The following NKX6-3 variants were observed in gnomAD, a reference collection of about 807,000 sequenced individuals.
NKX6-3 encodes homeobox protein Nkx-6.3.
In NKX6-3, 17 loss-of-function variants were observed where a neutral mutation model predicts 22.0. The observed-to-expected ratio is 0.77, with a 90% CI of 0.53 to 1.16. NKX6-3 has a LOEUF of 1.16. NKX6-3 is among the 50% of genes most tolerant of loss of function. The pLI is 0.00. For synonymous variants in NKX6-3, 177 were observed against 167.2 expected (o/e 1.06, Z -0.45); for missense variants, 363 against 359.0 (o/e 1.01, Z -0.09).
At position 41,647,974 on chromosome 8, in the gene NKX6-3, T is replaced by G; in HGVS notation, c.552+92A>C. 2.5e-6 allele frequency: 3 copies of G among 1,189,598 alleles called. No homozygotes were observed. The South Asian group carries it at 4.6e-5, about 18-fold the overall frequency. 73.7% of individuals were successfully genotyped at this position (1,189,598 alleles called of 1,614,324 possible). On this transcript the variant is annotated intron_variant, in intron 2 of 2. Transcript: ENST00000518699. ...CCAGGACAGCTGCCCTCTGGGGGGC[T>G]GCGTTGTGTGGCCACCTCTCTCCAA...
Position 41,650,135 on chromosome 8 carries a change from G to T in NKX6-3, c.358C>A (p.Arg120=), listed in dbSNP as rs1294768067. ...CTGTTGCTGCACTGCCGCCCGCCTC[G>T]CCAGTCTTGGCCCGTGTCCGCCCAG... ...NCWADTGQDW[R]GGRQCSNTPD... Residue 120 remains arginine (R), a synonymous_variant, in exon 1 of 3, where the codon CGA becomes AGA. Transcript: ENST00000518699. 6.5e-7 allele frequency: 1 copy of T among 1,535,306 alleles called. No individual in the cohort carries two copies. The highest frequency in any genetic ancestry group is 2.4e-5 in the East Asian group (1 of 40,884).
Position 41,646,490 on chromosome 8 carries a change from C to A in NKX6-3, c.757G>T (p.Ala253Ser). The A allele has an allele frequency of 6.2e-7, 1 of 1,609,248 alleles. No individual in the cohort carries two copies. Among genetic ancestry groups the A allele is most frequent in the East Asian group, 2.2e-5 (1 of 44,672 alleles). Residue 253 changes from alanine (A) to serine (S), a missense_variant, in exon 3 of 3, where the codon GCC (alanine) becomes TCC (serine). By Grantham distance (99) the Ala-to-Ser change is moderately conservative. Transcript: ENST00000518699. Reference sequence around the variant, plus strand: ...CCCAGGCTGAGCACCGAGAAGGCGGCGCGGTGCTTGCGCAGCAGCAGGCGG... The same window carrying A: ...CCCAGGCTGAGCACCGAGAAGGCGGAGCGGTGCTTGCGCAGCAGCAGGCGG... ...KIRLLLRKHR[A>S]AFSVLSLGAH...
chr8:41,647,274 AGGGCGCAGC>A, intron 2 of NKX6-3: 1 of 1,608,334 alleles, frequency 6.2e-7, no homozygotes, highest in Non-Finnish European at 8.5e-7. Context: ...GCTGATGAGG[AGGGCGCAGC>A]GGGTTGGAGC....
rs1804302700 is a variant in NKX6-3 at position 41,650,739 on chromosome 8, C to T, written c.-247G>A. On this transcript the variant is annotated 5_prime_UTR_variant, in exon 1 of 3. Transcript: ENST00000518699. ...TCCTGGCCTCTCTCCTTGCCCTGGC[C>T]GGACAGGGTGGCCCCCTAAGCCTCA... 1.6e-5 allele frequency: 8 copies of T among 495,230 alleles called. No individual in the cohort carries two copies. In the South Asian group the frequency reaches 1.8e-4, roughly 11 times the overall value. The allele number at this position is 495,230 out of a possible 1,614,324, so 30.7% of individuals were successfully genotyped here. A position where few individuals can be genotyped will look rare whatever the true frequency, so the allele number is the denominator to read the frequency against.
In NKX6-3 at chr8:41,646,410, G is replaced by T. The variant is rs772610918; in HGVS notation, c.*39C>A. On this transcript the variant is annotated 3_prime_UTR_variant, in exon 3 of 3. Coordinates refer to ENST00000518699, the MANE Select transcript of NKX6-3 (RefSeq NM_001364841.2). ...AAGGTAGGCTCCTCGGCGTCCCCCC[G>T]CAGGCTGCAGCCAGGATCCCGGGCC... 1.3e-6 allele frequency: 2 copies of T among 1,555,394 alleles called. No individual in the cohort carries two copies. Among genetic ancestry groups the T allele is most frequent in the Non-Finnish European group, 1.7e-6 (2 of 1,155,752 alleles).
rs1476678679 is a variant in NKX6-3, at chr8:41,650,111, T to C, written c.382A>G (p.Thr128Ala). 3 of 1,533,274 alleles carry C rather than the reference T, an allele frequency of 2.0e-6. No homozygotes were observed. In the South Asian group the frequency reaches 3.6e-5, roughly 18 times the overall value. The allele number at this position is 1,533,274 out of a possible 1,614,324, so 95.0% of individuals were successfully genotyped here. The change falls in exon 1 of 3, where the codon ACC (threonine) becomes GCC (alanine). Residue 128 changes from threonine (T) to alanine (A), a missense_variant and splice_region_variant. By Grantham distance (58) the Thr-to-Ala change is moderately conservative (BLOSUM62 0). This residue lies in a region of NKX6-3 where 19 missense variants were observed against 42.3 expected (regional missense o/e 0.45). Coordinates refer to ENST00000518699, the MANE Select transcript of NKX6-3 (RefSeq NM_001364841.2). ...DWRGGRQCSN[T>A]PDPLSDSIHK... Reference sequence around the variant, plus strand: ...GTGGCTGGGGAGGACCCGTACTCACTGTTGCTGCACTGCCGCCCGCCTCGC... The same window carrying C: ...GTGGCTGGGGAGGACCCGTACTCACCGTTGCTGCACTGCCGCCCGCCTCGC...
chr8:41,648,080 C>T lies in NKX6-3; in HGVS notation c.538G>A (p.Glu180Lys), dbSNP rs1190503233. The T allele has an allele frequency of 1.3e-6, 2 of 1,534,158 alleles. No individual in the cohort carries two copies. The highest frequency in any genetic ancestry group is 1.2e-5 in the South Asian group (1 of 84,000). The part of the protein sequence containing the change: ...ARLAYSLGMT[E>K]SQVKVWFQNR... ...CACAGACTTACCTTGACCTGCGACT[C>T]GGTCATGCCCAGTGAGTATGCCAGC... The change falls in exon 2 of 3, where the codon GAG becomes AAG. Residue 180 changes from glutamate to lysine, a missense_variant. Glu to Lys is a moderately conservative substitution (Grantham distance 56). Around this residue, in one of 3 missense-constraint regions of NKX6-3, gnomAD observed 169 missense variants for 155.8 expected, o/e 1.08. Coordinates refer to ENST00000518699, the MANE Select transcript of NKX6-3 (RefSeq NM_001364841.2).
rs1411231586 is a variant in NKX6-3, at chr8:41,646,240, G to C, written c.*209C>G. 3.5e-5 allele frequency: 23 copies of C among 653,434 alleles called. No homozygotes were observed. The highest frequency in any genetic ancestry group is 2.0e-4 in the East Asian group (7 of 35,836). 40.5% of individuals were successfully genotyped at this position (653,434 alleles called of 1,614,324 possible). A position where few individuals can be genotyped will look rare whatever the true frequency, so the allele number is the denominator to read the frequency against. ...CCTGGCCTCCTCCTCCCTTAGCTAG[G>C]ATGCCTGTCCCCTTTCCCTCCTTTT... On this transcript the variant is annotated 3_prime_UTR_variant, in exon 3 of 3. Transcript: ENST00000518699.
Position 41,650,336 on chromosome 8 carries a change from G to T in NKX6-3, c.157C>A (p.His53Asn), listed in dbSNP as rs1057188276. The change falls in exon 1 of 3, where the codon CAC becomes AAC. Residue 53 changes from histidine (H) to asparagine (N), a missense_variant. By Grantham distance (68) the His-to-Asn change is moderately conservative. Transcript: ENST00000518699. Reference sequence around the variant, plus strand: ...CTGCTCAGGATGTCCGTGATCCCGTGGGGGGTTCCGGCGGCCAGCTGGGGG... The same window carrying T: ...CTGCTCAGGATGTCCGTGATCCCGTTGGGGGTTCCGGCGGCCAGCTGGGGG... ...LGPQLAAGTP[H>N]GITDILSRPV... is the part of the protein sequence containing the mutation. 1.4e-5 allele frequency: 22 copies of T among 1,534,498 alleles called. No individual in the cohort carries two copies. Among genetic ancestry groups the T allele is most frequent in the Non-Finnish European group, 1.9e-5 (22 of 1,146,024 alleles).
In NKX6-3 at chr8:41,648,242, G is replaced by A. The variant is rs1472593110; in HGVS notation, c.383-7C>T. On this transcript the variant is annotated splice_region_variant and splice_polypyrimidine_tract_variant and intron_variant, in intron 1 of 2. Coordinates refer to ENST00000518699, the MANE Select transcript of NKX6-3 (RefSeq NM_001364841.2). ...TCACTCAGGGGGTCTGGGGCTGGCAGGAGGAAGGAAGTGTGGGGTTAGTAG... is the reference window on the plus strand; with the variant it reads ...TCACTCAGGGGGTCTGGGGCTGGCAAGAGGAAGGAAGTGTGGGGTTAGTAG... 15 of 1,531,944 alleles carry A rather than the reference G, an allele frequency of 9.8e-6. No homozygotes were observed. In the East Asian group the frequency reaches 2.9e-4, roughly 30 times the overall value. The allele number at this position is 1,531,944 out of a possible 1,614,324, so 94.9% of individuals were successfully genotyped here. A position where few individuals can be genotyped will look rare whatever the true frequency, so the allele number is the denominator to read the frequency against.
Position 41,646,513 on chromosome 8 carries a change from C to T in NKX6-3, c.734G>A (p.Arg245His), listed in dbSNP as rs1291524973. The change falls in exon 3 of 3, where the codon CGC (arginine) becomes CAC (histidine). Residue 245 changes from arginine (R) to histidine (H), a missense_variant. Arg to His is a conservative substitution (Grantham distance 29, BLOSUM62 0). Around this residue, in one of 3 missense-constraint regions of NKX6-3, gnomAD observed 169 missense variants for 155.8 expected, o/e 1.08. Coordinates refer to ENST00000518699, the MANE Select transcript of NKX6-3 (RefSeq NM_001364841.2). ...LDPDSDDEKIRLLLRKHRAAF... is the reference protein window; with the variant it reads ...LDPDSDDEKIHLLLRKHRAAF... ...GGCGCGGTGCTTGCGCAGCAGCAGG[C>T]GGATCTTCTCGTCGTCCGAGTCGGG... is the stretch of plus-strand genomic sequence containing the variant. The T allele has an allele frequency of 1.2e-6, 2 of 1,612,030 alleles. No homozygotes were observed. Among genetic ancestry groups the T allele is most frequent in the African/African-American group, 1.3e-5 (1 of 75,012 alleles).
chr8:41,649,974 G>A lies in NKX6-3; in HGVS notation c.382+137C>T, dbSNP rs1250865747. The A allele has an allele frequency of 8.6e-6, 8 of 926,662 alleles. No individual in the cohort carries two copies. The African/African-American group carries it at 1.3e-4, about 15-fold the overall frequency. 57.4% of individuals were successfully genotyped at this position (926,662 alleles called of 1,614,324 possible). A position where few individuals can be genotyped will look rare whatever the true frequency, so the allele number is the denominator to read the frequency against. ...TGGAACTCAGCCTGCACTGAGCTGA[G>A]GCTACGAGTCCAGGGGTTAATGGCG... On this transcript the variant is annotated intron_variant, in intron 1 of 2. Coordinates refer to ENST00000518699, the MANE Select transcript of NKX6-3 (RefSeq NM_001364841.2).
In NKX6-3 at chr8:41,646,472, T is replaced by G; in HGVS notation, c.775A>C (p.Ser259Arg). The change falls in exon 3 of 3, where the codon AGC (serine) becomes CGC (arginine). Residue 259 changes from serine (S) to arginine (R), a missense_variant. By Grantham distance (110) the Ser-to-Arg change is moderately radical. This residue lies in a region of NKX6-3 where 169 missense variants were observed against 155.8 expected (regional missense o/e 1.08). Transcript: ENST00000518699. ...CGTCAGACGCTGTGCGCTCCCAGGC[T>G]GAGCACCGAGAAGGCGGCGCGGTGC... ...RKHRAAFSVLSLGAHSV is the reference protein window; with the variant it reads ...RKHRAAFSVLRLGAHSV 6.2e-7 allele frequency: 1 copy of G among 1,605,578 alleles called. No individual in the cohort carries two copies. The highest frequency in any genetic ancestry group is 8.5e-7 in the Non-Finnish European group (1 of 1,177,196).
rs533342168 is a variant in NKX6-3 at position 41,646,301 on chromosome 8, C to A, written c.*148G>T. ...CCCCGCCTCCCCTCCTCCTCCCCTG[C>A]ACCTGCTGCTCCTCCTCCACGCGCC... On this transcript the variant is annotated 3_prime_UTR_variant, in exon 3 of 3. Coordinates refer to ENST00000518699, the MANE Select transcript of NKX6-3 (RefSeq NM_001364841.2). The A allele has an allele frequency of 1.9e-6, 2 of 1,076,384 alleles. No homozygotes were observed. Among genetic ancestry groups the A allele is most frequent in the Admixed American group, 2.7e-5 (1 of 36,920 alleles). The allele number at this position is 1,076,384 out of a possible 1,614,324, so 66.7% of individuals were successfully genotyped here. A position where few individuals can be genotyped will look rare whatever the true frequency, so the allele number is the denominator to read the frequency against.
At chr8:41,648,580 C>A (rs571437598) in intron 1 of NKX6-3, among the ~76,000 whole-genome samples, 97 of 152,364 alleles carry the variant, frequency 6.4e-4, no homozygotes, top group African/African-American at 2.1e-3. Context: ...GATGTCCCTT[C>A]AGGTCACCCT....
Position 41,645,714 on chromosome 8 carries a change from G to C in NKX6-3, c.*735C>G, listed in dbSNP as rs991952164. ...ATGAGGAGGGCACAGCGGTCTCAGA[G>C]GTATTGACCCTGAGGGTAAATCGGA... On this transcript the variant is annotated 3_prime_UTR_variant, in exon 3 of 3. Coordinates refer to ENST00000518699, the MANE Select transcript of NKX6-3 (RefSeq NM_001364841.2). 5 of 152,356 alleles carry C rather than the reference G, an allele frequency of 3.3e-5. No individual in the cohort carries two copies. Among genetic ancestry groups the C allele is most frequent in the Non-Finnish European group, 4.4e-5 (3 of 68,166 alleles). 9.4% of individuals were successfully genotyped at this position (152,356 alleles called of 1,614,324 possible).
In NKX6-3 at chr8:41,645,912, G is replaced by A. The variant is rs140903890; in HGVS notation, c.*537C>T. The A allele has an allele frequency of 8.8e-4, 155 of 175,592 alleles. 2 individuals are homozygous for A. In the East Asian group the frequency reaches 0.026, roughly 30 times the overall value. The allele number at this position is 175,592 out of a possible 1,614,324, so 10.9% of individuals were successfully genotyped here. ...TGGGACCCTTCCTGTGCACAGGTCT[G>A]AGGAGTGCACCTGGCCACTCACCTG... On this transcript the variant is annotated 3_prime_UTR_variant, in exon 3 of 3. Transcript: ENST00000518699.
At chr8:41,650,003 G>A (rs1804283869) in intron 1 of NKX6-3, 108 bp downstream of exon 1, 3 of 1,221,354 alleles carry the variant, frequency 2.5e-6, no homozygotes, top group Non-Finnish European at 3.3e-6. Flanking sequence ...AATGGCGACT[G>A]GGGGAGAGGG....
In NKX6-3 at chr8:41,650,372, G is replaced by C. The variant is rs751853278; in HGVS notation, c.121C>G (p.Pro41Ala). Residue 41 changes from proline (P) to alanine (A), a missense_variant, in exon 1 of 3, where the codon CCA (proline) becomes GCA (alanine). Pro to Ala is a conservative substitution (Grantham distance 27). This residue lies in a region of NKX6-3 where 175 missense variants were observed against 160.9 expected (regional missense o/e 1.09). Coordinates refer to ENST00000518699, the MANE Select transcript of NKX6-3 (RefSeq NM_001364841.2). ...VQNSFYKLSP[P>A]GLGPQLAAGT... ...GCGGCCAGCTGGGGGCCCAGCCCTG[G>C]GGGGCTGAGCTTGTAGAAGGAGTTC... is the stretch of plus-strand genomic sequence containing the variant. The C allele has an allele frequency of 1.3e-6, 2 of 1,535,026 alleles. No individual in the cohort carries two copies. Among genetic ancestry groups the C allele is most frequent in the Admixed American group, 2.0e-5 (1 of 50,886 alleles).
Sources: gnomAD v4.1 joint callset for allele counts (sites outside exome capture counted in the v4.1 genomes callset) on GRCh38, gnomAD v4.1.1 for gene constraint, gnomAD v4.1.1 regional missense constraint, MANE v1.5 for transcripts, NCBI Gene and HGNC (gene_info 2026-07-23, HGNC 2026-07-21) for gene names.